Variants in MRGPRE observed in about 807,000 individuals in gnomAD.
The protein encoded by MRGPRE is MAS related GPR family member E, also known as mas-related G protein-coupled receptor member E.
For synonymous variants in MRGPRE, 229 were observed against 206.7 expected (o/e 1.11, Z -0.92); for missense variants, 466 against 433.4 (o/e 1.08, Z -0.67).
At position 3,227,979 on chromosome 11, in the gene MRGPRE, C is replaced by A. The variant is rs1217486264; in HGVS notation, c.821G>T (p.Ser274Ile). The A allele has an allele frequency of 6.3e-7, 1 of 1,592,856 alleles. No homozygotes were observed. The highest frequency in any genetic ancestry group is 8.6e-7 in the Non-Finnish European group (1 of 1,168,014). Residue 274 changes from serine (S) to isoleucine (I), a missense_variant, in exon 2 of 2, where the codon AGT becomes ATT. Coordinates refer to ENST00000389832, the MANE Select transcript of MRGPRE (RefSeq NM_001039165.4). ...AKPVVYFCLG[S>I]AQGRRLPLRL... ...GAGGGGCAGCCTGCGGCCCTGGGCA[C>A]TGCCCAGGCAGAAGTAGACGACGGG...
chr11:3,228,254 C>G lies in MRGPRE; in HGVS notation c.546G>C (p.Ala182=). The change falls in exon 2 of 2, where the codon GCG becomes GCC. Residue 182 remains alanine, a synonymous_variant. Transcript: ENST00000389832. The stretch of plus-strand genomic sequence containing the variant: ...TGCAACACAGCAGAGCCAGCAGCAC[C>G]GCTGCCACCAGCCACAGCGTCCGGC... ...HLCRTLWLVA[A]VLLALLCCTM... The G allele has an allele frequency of 6.4e-7, 1 of 1,551,544 alleles. No homozygotes were observed. The highest frequency in any genetic ancestry group is 8.7e-7 in the Non-Finnish European group (1 of 1,149,858).
In MRGPRE at chr11:3,226,103, C is replaced by T. The variant is rs1847756373; in HGVS notation, c.*1758G>A. The T allele has an allele frequency of 1.3e-5, 2 of 152,222 alleles. No homozygotes were observed. Among genetic ancestry groups the T allele is most frequent in the Admixed American group, 6.5e-5 (1 of 15,286 alleles). The allele number at this position is 152,222 out of a possible 1,614,324, so 9.4% of individuals were successfully genotyped here. On this transcript the variant is annotated 3_prime_UTR_variant, in exon 2 of 2. Coordinates refer to ENST00000389832, the MANE Select transcript of MRGPRE (RefSeq NM_001039165.4). ...GTGGTCCTGAACGGCCACATAGCCC[C>T]TCGGAGCCTTGGTGGCTCATCTGCA...
rs1379308997 is a variant in MRGPRE at position 3,231,584 on chromosome 11, G to A, written c.-62+557C>T. ...AGAAGGAGGGGAGGAGGCGGGGGAG[G>A]ACGATGGAAGAGAACAGGAGGGAGG... On this transcript the variant is annotated intron_variant, in intron 1 of 1. Coordinates refer to ENST00000389832, the MANE Select transcript of MRGPRE (RefSeq NM_001039165.4). This position sits in a 1 kb window ranked among gnomAD's most constrained non-coding sequence, Gnocchi z 4.7. 1.4e-5 allele frequency among the ~76,000 whole-genome samples: 2 copies of A among 141,262 alleles called. No homozygotes were observed. The highest frequency in any genetic ancestry group is 5.2e-5 in the African/African-American group (2 of 38,542). 92.7% of individuals were successfully genotyped at this position (141,262 alleles called of 152,430 possible). A position where few individuals can be genotyped will look rare whatever the true frequency, so the allele number is the denominator to read the frequency against.
chr11:3,227,823 C>T lies in MRGPRE; in HGVS notation c.*38G>A, dbSNP rs1441851078. 1.4e-6 allele frequency: 2 copies of T among 1,417,754 alleles called. No homozygotes were observed. The highest frequency in any genetic ancestry group is 2.5e-5 in the East Asian group (1 of 39,580). 87.8% of individuals were successfully genotyped at this position (1,417,754 alleles called of 1,614,324 possible). A position where few individuals can be genotyped will look rare whatever the true frequency, so the allele number is the denominator to read the frequency against. On this transcript the variant is annotated 3_prime_UTR_variant, in exon 2 of 2. Coordinates refer to ENST00000389832, the MANE Select transcript of MRGPRE (RefSeq NM_001039165.4). The stretch of plus-strand genomic sequence containing the variant: ...CACCTTCCCCAAGTCACCCTCTTGC[C>T]TCACGGGGGCTGCAGCTGGGGTCGG...
rs1164022665 is a variant in MRGPRE at position 3,228,817 on chromosome 11, G to A, written c.-18C>T. On this transcript the variant is annotated 5_prime_UTR_variant, in exon 2 of 2. Coordinates refer to ENST00000389832, the MANE Select transcript of MRGPRE (RefSeq NM_001039165.4). ...TCCATCATGGGGCGGGGGGCCAGGG[G>A]ATGCTGCAGGAGTGTGTTCTGCTCG... The A allele has an allele frequency of 5.7e-6, 9 of 1,584,950 alleles. No individual in the cohort carries two copies. Among genetic ancestry groups the A allele is most frequent in the Non-Finnish European group, 7.7e-6 (9 of 1,162,402 alleles).
Position 3,231,303 on chromosome 11 carries a change from TGGG to T in MRGPRE, c.-62+835_-62+837del, listed in dbSNP as rs1031237219. 4.7e-5 allele frequency among the ~76,000 whole-genome samples: 7 copies of T among 150,486 alleles called. No individual in the cohort carries two copies. The East Asian group carries it at 1.4e-3, about 30-fold the overall frequency. ...CAGGAAGGGGAGAGGCATGAAGAGA[TGGG>T]GGACAGAGAAGGAAACAGGGAGGAG... is the stretch of plus-strand genomic sequence containing the variant. On this transcript the variant is annotated intron_variant, in intron 1 of 1. Transcript: ENST00000389832. The surrounding 1 kb of genome is among the most constrained non-coding windows in gnomAD (Gnocchi z 4.7).
Position 3,229,212 on chromosome 11 carries a change from CTTTTTTTTTTTT to C in MRGPRE, c.-61-364_-61-353del, listed in dbSNP as rs60799467. Among the ~76,000 whole-genome samples, 8 of 126,656 alleles carry C rather than the reference CTTTTTTTTTTTT, an allele frequency of 6.3e-5. No individual in the cohort carries two copies. Among genetic ancestry groups the C allele is most frequent in the African/African-American group, 1.3e-4 (4 of 29,956 alleles). The allele number at this position is 126,656 out of a possible 152,430, so 83.1% of individuals were successfully genotyped here. The stretch of plus-strand genomic sequence containing the variant: ...GTGGTGCCTTGATCCTCAGAATGGG[CTTTTTTTTTTTT>C]TTTTTTTTTTTTTTTTTGGAGATGG... On this transcript the variant is annotated intron_variant, in intron 1 of 1. Coordinates refer to ENST00000389832, the MANE Select transcript of MRGPRE (RefSeq NM_001039165.4). The surrounding 1 kb of genome is among the most constrained non-coding windows in gnomAD (Gnocchi z 4.4).
rs763857141 is a variant in MRGPRE, at chr11:3,228,144, A to G, written c.656T>C (p.Ile219Thr). 7 of 1,582,052 alleles carry G rather than the reference A, an allele frequency of 4.4e-6. No individual in the cohort carries two copies. The highest frequency in any genetic ancestry group is 6.0e-6 in the Non-Finnish European group (7 of 1,164,512). Reference sequence around the variant, plus strand: ...GAGGAAGAGGAGGACGGTGAGGAGGATGAGCCCAGGGAAGCCCCGGGGTGG... The same window carrying G: ...GAGGAAGAGGAGGACGGTGAGGAGGGTGAGCCCAGGGAAGCCCCGGGGTGG... ...RPPPRGFPGL[I>T]LLTVLLFLFC... Residue 219 changes from isoleucine (I) to threonine (T), a missense_variant, in exon 2 of 2, where the codon ATC (isoleucine) becomes ACC (threonine). Transcript: ENST00000389832.
rs761776734 is a variant in MRGPRE at position 3,228,669 on chromosome 11, G to T, written c.131C>A (p.Ala44Glu). 3.1e-6 allele frequency: 5 copies of T among 1,613,996 alleles called. No homozygotes were observed. In the East Asian group the frequency reaches 8.9e-5, roughly 29 times the overall value. Residue 44 changes from alanine to glutamate, a missense_variant, in exon 2 of 2, where the codon GCA becomes GAA. By Grantham distance (107) the Ala-to-Glu change is moderately radical. Coordinates refer to ENST00000389832, the MANE Select transcript of MRGPRE (RefSeq NM_001039165.4). Reference sequence around the variant, plus strand: ...ATTGGAGCTGAGCAGCCAGAGGACTGCCCCATTCCCCAGCAGCCCACCGAG... The same window carrying T: ...ATTGGAGCTGAGCAGCCAGAGGACTTCCCCATTCCCCAGCAGCCCACCGAG... ...LGLGGLLGNG[A>E]VLWLLSSNVY...
chr11:3,226,444 G>A lies in MRGPRE; in HGVS notation c.*1417C>T, dbSNP rs944482644. On this transcript the variant is annotated 3_prime_UTR_variant, in exon 2 of 2. Coordinates refer to ENST00000389832, the MANE Select transcript of MRGPRE (RefSeq NM_001039165.4). The stretch of plus-strand genomic sequence containing the variant: ...GGGCTGGAGGTGCTCTAGGAGAGGT[G>A]GGTCCAGCCCCTGGGGCTCCCAGTC... 2 of 152,280 alleles carry A rather than the reference G, an allele frequency of 1.3e-5. No homozygotes were observed. The highest frequency in any genetic ancestry group is 1.9e-4 in the East Asian group (1 of 5,178). The allele number at this position is 152,280 out of a possible 1,614,324, so 9.4% of individuals were successfully genotyped here.
rs527616027 is a variant in MRGPRE, at chr11:3,231,924, G to T, written c.-62+217C>A. Among the ~76,000 whole-genome samples, 1 of 152,112 alleles carries T rather than the reference G, an allele frequency of 6.6e-6. No individual in the cohort carries two copies. Among genetic ancestry groups the T allele is most frequent in the Non-Finnish European group, 1.5e-5 (1 of 67,986 alleles). Reference sequence around the variant, plus strand: ...TTGGGGAGCCATCACCCAAGCTATCGTCCTCTTCCAGACTCAGCCCAGGGC... The same window carrying T: ...TTGGGGAGCCATCACCCAAGCTATCTTCCTCTTCCAGACTCAGCCCAGGGC... On this transcript the variant is annotated intron_variant, in intron 1 of 1. Transcript: ENST00000389832. The surrounding 1 kb of genome is among the most constrained non-coding windows in gnomAD (Gnocchi z 4.7).
At position 3,227,809 on chromosome 11, in the gene MRGPRE, A is replaced by G. The variant is rs34072539; in HGVS notation, c.*52T>C. The G allele has an allele frequency of 1.4e-6, 2 of 1,383,522 alleles. No individual in the cohort carries two copies. The highest frequency in any genetic ancestry group is 9.5e-7 in the Non-Finnish European group (1 of 1,056,304). 85.7% of individuals were successfully genotyped at this position (1,383,522 alleles called of 1,614,324 possible). ...GCCTCTGACCCCACCACCTTCCCCA[A>G]GTCACCCTCTTGCCTCACGGGGGCT... On this transcript the variant is annotated 3_prime_UTR_variant, in exon 2 of 2. Transcript: ENST00000389832.
intron 1 of MRGPRE, 22 bp from the exon 2 acceptor site, chr11:3,228,882 T>G (rs1388623492): frequency 8.6e-7 from 1 of 1,166,482 alleles, no homozygotes; most frequent in East Asian, 2.6e-5. Flanking sequence ...AACAGTTGAG[T>G]CTGGGGCTCA....
chr11:3,225,786 G>A lies in MRGPRE; in HGVS notation c.*2075C>T, dbSNP rs1241251564. Among the ~76,000 whole-genome samples, 1 of 152,220 alleles carries A rather than the reference G, an allele frequency of 6.6e-6. No individual in the cohort carries two copies. The highest frequency in any genetic ancestry group is 1.9e-4 in the East Asian group (1 of 5,196). ...GGGCCCAGTTTCCATGGAGACCTCA[G>A]ATGAGGCCACATTTCCCGGACTCCT... On this transcript the variant is annotated 3_prime_UTR_variant, in exon 2 of 2. Transcript: ENST00000389832.
rs370532839 is a variant in MRGPRE, at chr11:3,228,405, G to C, written c.395C>G (p.Ser132Trp). ...CLAALFPAWYSCRRPRHLTTC... is the reference protein window; with the variant it reads ...CLAALFPAWYWCRRPRHLTTC... ...GGTCAGGTGGCGTGGGCGGCGGCACGAGTACCAGGCTGGGAAGAGGGCGGC... is the reference window on the plus strand; with the variant it reads ...GGTCAGGTGGCGTGGGCGGCGGCACCAGTACCAGGCTGGGAAGAGGGCGGC... The change falls in exon 2 of 2, where the codon TCG becomes TGG. Residue 132 changes from serine to tryptophan, a missense_variant. Coordinates refer to ENST00000389832, the MANE Select transcript of MRGPRE (RefSeq NM_001039165.4). 1.9e-6 allele frequency: 3 copies of C among 1,604,370 alleles called. No individual in the cohort carries two copies. The highest frequency in any genetic ancestry group is 1.7e-5 in the Admixed American group (1 of 59,492).
In MRGPRE at chr11:3,225,346, C is replaced by T. The variant is rs375485061; in HGVS notation, c.*2515G>A. Among the ~76,000 whole-genome samples, 14 of 152,236 alleles carry T rather than the reference C, an allele frequency of 9.2e-5. No homozygotes were observed. The highest frequency in any genetic ancestry group is 2.9e-4 in the African/African-American group (12 of 41,464). On this transcript the variant is annotated 3_prime_UTR_variant, in exon 2 of 2. Transcript: ENST00000389832. ...AATTCTGTGCTGACCGCGGCAGCCC[C>T]GCAGGGGCCCGGGGTTGCGGGTGGA...
rs60799467 is a variant in MRGPRE at position 3,229,212 on chromosome 11, CTT to C, written c.-61-354_-61-353del. 0.013 allele frequency among the ~76,000 whole-genome samples: 1,667 copies of C among 126,206 alleles called. 88 individuals are homozygous for C. Among genetic ancestry groups the C allele is most frequent in the East Asian group, 0.03 (128 of 4,240 alleles). The allele number at this position is 126,206 out of a possible 152,430, so 82.8% of individuals were successfully genotyped here. A position where few individuals can be genotyped will look rare whatever the true frequency, so the allele number is the denominator to read the frequency against. On this transcript the variant is annotated intron_variant, in intron 1 of 1. Coordinates refer to ENST00000389832, the MANE Select transcript of MRGPRE (RefSeq NM_001039165.4). This position sits in a 1 kb window ranked among gnomAD's most constrained non-coding sequence, Gnocchi z 4.4. ...GTGGTGCCTTGATCCTCAGAATGGGCTTTTTTTTTTTTTTTTTTTTTTTTTTT... is the reference window on the plus strand; with the variant it reads ...GTGGTGCCTTGATCCTCAGAATGGGCTTTTTTTTTTTTTTTTTTTTTTTTT...
rs1318184572 is a variant in MRGPRE, at chr11:3,225,255, A to G, written c.*2606T>C. 6.6e-6 allele frequency among the ~76,000 whole-genome samples: 1 copy of G among 152,204 alleles called. No homozygotes were observed. Among genetic ancestry groups the G allele is most frequent in the Non-Finnish European group, 1.5e-5 (1 of 68,026 alleles). ...CCCACAGCCTCCCTGGGCCCTGAGG[A>G]CGGAGCGGGTTACACAGGCTCCCTG... On this transcript the variant is annotated 3_prime_UTR_variant, in exon 2 of 2. Transcript: ENST00000389832.
rs1317437928 is a variant in MRGPRE, at chr11:3,229,277, G to A, written c.-61-417C>T. Among the ~76,000 whole-genome samples the A allele has an allele frequency of 1.4e-5, 2 of 143,916 alleles. No homozygotes were observed. Among genetic ancestry groups the A allele is most frequent in the East Asian group, 2.0e-4 (1 of 4,926 alleles). 94.4% of individuals were successfully genotyped at this position (143,916 alleles called of 152,430 possible). On this transcript the variant is annotated intron_variant, in intron 1 of 1. Coordinates refer to ENST00000389832, the MANE Select transcript of MRGPRE (RefSeq NM_001039165.4). This position sits in a 1 kb window ranked among gnomAD's most constrained non-coding sequence, Gnocchi z 4.4. ...TCTGGCTCTGTTGCCCCAGGCTAGA[G>A]TGCAATGGCACCATCTCGGCTCACT...
Sources: gnomAD v4.1 joint callset for allele counts (sites outside exome capture counted in the v4.1 genomes callset) on GRCh38, gnomAD v4.1.1 for gene constraint, Gnocchi (gnomAD v3.1) non-coding constraint, MANE v1.5 for transcripts, NCBI Gene and HGNC (gene_info 2026-07-23, HGNC 2026-07-21) for gene names.